Variants in PTAFR observed in about 807,000 individuals in gnomAD.
PTAFR encodes platelet-activating factor receptor.
Under a neutral mutation model 14.7 loss-of-function variants are expected in PTAFR, and 8 were observed. The ratio of observed to expected loss-of-function variants is 0.54; its 90% CI spans 0.32 to 0.98. PTAFR has a LOEUF of 0.98. Ranked by LOEUF, PTAFR falls within the 50% of genes least tolerant of loss-of-function variation. The probability of loss-of-function intolerance (pLI) is 0.04; values close to 1 mark genes in which losing one functional copy is unlikely to be tolerated. For missense variants in PTAFR, 337 were observed against 451.2 expected (o/e 0.75, Z 2.29); for synonymous variants, 156 against 176.5 (o/e 0.88, Z 0.92).
rs780344665 is a variant in PTAFR, at chr1:28,167,633, A to ATTTTTTTTTTTT, written c.-39+8947_-39+8958dup. Among the ~76,000 whole-genome samples, 30 of 80,254 alleles carry ATTTTTTTTTTTT rather than the reference A, an allele frequency of 3.7e-4. 2 individuals carry two copies. The highest frequency in any genetic ancestry group is 1.3e-3 in the African/African-American group (24 of 18,052). 52.6% of individuals were successfully genotyped at this position (80,254 alleles called of 152,430 possible). A position where few individuals can be genotyped will look rare whatever the true frequency, so the allele number is the denominator to read the frequency against. On this transcript the variant is annotated intron_variant, in intron 1 of 1. Coordinates refer to ENST00000373857, the MANE Select transcript of PTAFR (RefSeq NM_000952.5). Reference sequence around the variant, plus strand: ...TATATTCAAAAGAACTGAAAACGGGATTTTTTTTTTTTTTTTTTTTTTTTT... The same window carrying ATTTTTTTTTTTT: ...TATATTCAAAAGAACTGAAAACGGGATTTTTTTTTTTTTTTTTTTTTTTTTTTTTTTTTTTTT...
At chr1:28,191,586 AAG>A (rs35747744) in intron 1 of PTAFR, among the ~76,000 whole-genome samples, 44,285 of 145,056 alleles carry the variant, frequency 0.31, 6,768 homozygotes, top group African/African-American at 0.37. Flanking sequence ...GAAAAAAGAA[AAG>A]AGAGAGAGAG....
intron 1 of PTAFR, among the ~76,000 whole-genome samples, chr1:28,168,022 A>G (rs1334110273): frequency 1.5e-5 from 2 of 133,652 alleles, no homozygotes; most frequent in Non-Finnish European, 3.1e-5. Flanking sequence ...GCAGTGGCGC[A>G]ATCTCGGCTC....
chr1:28,169,148 C>T (rs1646424929), intron 1 of PTAFR, among the ~76,000 whole-genome samples: 9 of 152,114 alleles, frequency 5.9e-5, no homozygotes, highest in Admixed American at 5.9e-4. Flanking sequence ...GTAATTCCAG[C>T]ACTTTGGGAG....
At chr1:28,189,267 C>T (rs1007258900) in intron 1 of PTAFR, among the ~76,000 whole-genome samples, 1 of 152,052 alleles carries the variant, frequency 6.6e-6, no homozygotes, top group African/African-American at 2.4e-5. Context: ...TTCTTCAGTG[C>T]GATCCTGTAC....
intron 1 of PTAFR, among the ~76,000 whole-genome samples, chr1:28,163,773 G>C (rs571138859): frequency 1.3e-5 from 2 of 152,264 alleles, no homozygotes; most frequent in South Asian, 4.1e-4. Context: ...TGACCTAGGG[G>C]CTTTGACCTA....
intron 1 of PTAFR, among the ~76,000 whole-genome samples, chr1:28,165,503 G>A (rs1157465184): frequency 6.6e-6 from 1 of 151,766 alleles, no homozygotes; most frequent in Non-Finnish European, 1.5e-5. Flanking sequence ...ATTGCTGAAG[G>A]TCAGGCGCGG....
intron 1 of PTAFR, among the ~76,000 whole-genome samples, chr1:28,188,421 G>A (rs1646623802): frequency 6.6e-6 from 1 of 152,166 alleles, no homozygotes; most frequent in African/African-American, 2.4e-5. Flanking sequence ...ACGCCAGCCT[G>A]GGTGACAGAG....
intron 1 of PTAFR, among the ~76,000 whole-genome samples, chr1:28,186,930 A>C (rs1646612033): frequency 6.6e-6 from 1 of 152,110 alleles, no homozygotes; most frequent in South Asian, 2.1e-4. Context: ...ATGTCAATCA[A>C]TCAATCAATC....
intron 1 of PTAFR, among the ~76,000 whole-genome samples, chr1:28,154,831 AGT>A (rs1646244596): frequency 3.7e-5 from 2 of 53,566 alleles, no homozygotes; most frequent in African/African-American, 7.6e-5. Context: ...AAAAAAAAAA[AGT>A]GGGGGGGGAG....
Position 28,167,656 on chromosome 1 carries a change from T to TA in PTAFR, c.-39+8935_-39+8936insT, listed in dbSNP as rs1557691628. On this transcript the variant is annotated intron_variant, in intron 1 of 1. Coordinates refer to ENST00000373857, the MANE Select transcript of PTAFR (RefSeq NM_000952.5). ...GGATTTTTTTTTTTTTTTTTTTTTT[T>TA]TTTTTTTGAGATGGAGCCTTACTCT... Among the ~76,000 whole-genome samples the TA allele has an allele frequency of 6.1e-3, 868 of 141,230 alleles. 18 individuals are homozygous for TA. The highest frequency in any genetic ancestry group is 0.022 in the African/African-American group (815 of 37,156). The allele number at this position is 141,230 out of a possible 152,430, so 92.7% of individuals were successfully genotyped here.
chr1:28,182,531 T>G (rs1646570643), intron 1 of PTAFR, among the ~76,000 whole-genome samples: 2 of 151,472 alleles, frequency 1.3e-5, no homozygotes, highest in Admixed American at 1.3e-4. Flanking sequence ...TAAAATTCGC[T>G]GCAGTGAGCC....
chr1:28,168,125 ATTTTT>A (rs139930851), intron 1 of PTAFR, among the ~76,000 whole-genome samples: 5 of 126,528 alleles, frequency 4.0e-5, no homozygotes, highest in South Asian at 2.5e-4. Flanking sequence ...CACCCGGCTA[ATTTTT>A]TTTTTTTTTT....
At chr1:28,179,183 A>G (rs992479588), upstream of PTAFR, among the ~76,000 whole-genome samples, 1 of 152,090 alleles carries the variant, frequency 6.6e-6, no homozygotes, top group Admixed American at 6.6e-5. Context: ...CCTTGGTTCC[A>G]AAACAGTTTC....
rs1646159812 is a variant in PTAFR at position 28,149,975 on chromosome 1, C to T, written c.*18G>A. 6.3e-7 allele frequency: 1 copy of T among 1,598,528 alleles called. No individual in the cohort carries two copies. Among genetic ancestry groups the T allele is most frequent in the Non-Finnish European group, 8.5e-7 (1 of 1,171,682 alleles). ...ATGATGTTCATGGAGGAGAAGACTT[C>T]AGGCCTGGAAGCAGGGACTAATTTT... is the stretch of plus-strand genomic sequence containing the variant. On this transcript the variant is annotated 3_prime_UTR_variant, in exon 2 of 2. Transcript: ENST00000373857.
At chr1:28,182,011 C>T (rs1013147029) in intron 1 of PTAFR, among the ~76,000 whole-genome samples, 5 of 151,270 alleles carry the variant, frequency 3.3e-5, no homozygotes, top group Admixed American at 1.3e-4. Flanking sequence ...TGAATCTTCT[C>T]GGATCCTGAT....
intron 1 of PTAFR, among the ~76,000 whole-genome samples, chr1:28,188,934 C>G (rs555700930): frequency 9.0e-6 from 1 of 111,258 alleles, no homozygotes; most frequent in Non-Finnish European, 2.0e-5. Context: ...AAAATATAGT[C>G]AACATTTCAG....
intron 1 of PTAFR, among the ~76,000 whole-genome samples, chr1:28,185,146 TTTTA>T (rs1221442172): frequency 1.3e-5 from 2 of 152,194 alleles, no homozygotes; most frequent in Admixed American, 1.3e-4. Context: ...ACAACATGTA[TTTTA>T]TTTATTTATT....
chr1:28,164,944 C>T (rs1646366470), intron 1 of PTAFR, among the ~76,000 whole-genome samples: 1 of 152,198 alleles, frequency 6.6e-6, no homozygotes, highest in Admixed American at 6.5e-5. Context: ...CCTGGTAGGG[C>T]GAGAGCTGGG....
rs559601078 is a variant in PTAFR at position 28,163,661 on chromosome 1, T to A, written c.-38-12602A>T. 1.4e-4 allele frequency among the ~76,000 whole-genome samples: 22 copies of A among 152,322 alleles called. 1 individual carries two copies. The South Asian group carries it at 4.4e-3, about 30-fold the overall frequency. On this transcript the variant is annotated intron_variant, in intron 1 of 1. Transcript: ENST00000373857. Reference sequence around the variant, plus strand: ...CTAACAATGGTTTCAAAGATAAGTATGCAAAGTGGCTGGAACAGGACCTGA... The same window carrying A: ...CTAACAATGGTTTCAAAGATAAGTAAGCAAAGTGGCTGGAACAGGACCTGA...
Sources: allele counts gnomAD v4.1 joint callset (sites outside exome capture counted in the v4.1 genomes callset), GRCh38; gene constraint gnomAD v4.1.1; transcripts MANE v1.5; gene names NCBI Gene and HGNC (gene_info 2026-07-23, HGNC 2026-07-21).